Variants in JADE3 observed in about 807,000 individuals in gnomAD.
JADE3 encodes the protein protein Jade-3.
In JADE3, 2 loss-of-function variants were observed where a neutral mutation model predicts 50.1. The observed-to-expected ratio is 0.04, with a 90% CI of 0.02 to 0.13. JADE3 has a LOEUF of 0.13. Ranked by LOEUF, JADE3 falls within the 10% of genes least tolerant of loss-of-function variation. The pLI, the probability that JADE3 is intolerant of heterozygous loss-of-function variation, is 1.00. For missense variants in JADE3, 475 were observed against 634.4 expected (o/e 0.75, Z 2.70); for synonymous variants, 218 against 232.9 (o/e 0.94, Z 0.58).
intron 1 of JADE3, among the ~76,000 whole-genome samples, chrX:46,972,971 A>G (rs1282996512): frequency 5.3e-5 from 6 of 112,451 alleles, no homozygotes; most frequent in Admixed American, 1.9e-4. Context: ...TTCATGCTAC[A>G]ATGGCAGATT....
chrX:47,036,659 C>T (rs1602417606), intron 7 of JADE3, among the ~76,000 whole-genome samples: 1 of 95,057 alleles, frequency 1.1e-5, no homozygotes, highest in East Asian at 3.2e-4. Flanking sequence ...CACATGCACA[C>T]GTATGTTTAT....
intron 3 of JADE3, among the ~76,000 whole-genome samples, chrX:46,996,003 G>A (rs1928119903): frequency 8.9e-6 from 1 of 112,433 alleles, no homozygotes; most frequent in Admixed American, 9.4e-5. Context: ...ATTGGTTGGT[G>A]GTTTCCCAGA....
intron 10 of JADE3, among the ~76,000 whole-genome samples, chrX:47,057,802 C>G (rs1446805901): frequency 8.9e-6 from 1 of 111,926 alleles, no homozygotes; most frequent in Non-Finnish European, 1.9e-5. Flanking sequence ...CCAACACATG[C>G]ATGCACAGAC....
chrX:46,955,688 T>C (rs955972044), intron 1 of JADE3, among the ~76,000 whole-genome samples: 4 of 110,992 alleles, frequency 3.6e-5, no homozygotes, highest in African/African-American at 1.3e-4. Context: ...CAGTCCAAGG[T>C]TGATGGAACG....
At chrX:46,920,025 C>T (rs782092425) in intron 1 of JADE3, among the ~76,000 whole-genome samples, 5 of 110,902 alleles carry the variant, frequency 4.5e-5, no homozygotes, top group Admixed American at 9.7e-5. Context: ...TTTTGGAACA[C>T]GCATGACCAA....
chrX:47,050,066 G>A lies in JADE3; in HGVS notation c.973-4092G>A, dbSNP rs372432510. Among the ~76,000 whole-genome samples the A allele has an allele frequency of 6.6e-4, 72 of 108,447 alleles. No individual in the cohort carries two copies. The South Asian group carries it at 0.026, about 40-fold the overall frequency. The allele number at this position is 108,447 out of a possible 115,157, so 94.2% of individuals were successfully genotyped here. A position where few individuals can be genotyped will look rare whatever the true frequency, so the allele number is the denominator to read the frequency against. ...AGTAATCCTCCCACCTCAGCCTTCC[G>A]AGTACCACAGGCGTGCACCACCACA... On this transcript the variant is annotated intron_variant, in intron 8 of 10. Transcript: ENST00000614628.
At chrX:46,965,638 T>C (rs1022710543) in intron 1 of JADE3, among the ~76,000 whole-genome samples, 5 of 111,239 alleles carry the variant, frequency 4.5e-5, no homozygotes, top group Non-Finnish European at 9.4e-5. Flanking sequence ...CTGAGCCTTA[T>C]AAGAATTAGT....
At chrX:46,991,866 A>G (rs191985723) in intron 3 of JADE3, among the ~76,000 whole-genome samples, 13 of 111,112 alleles carry the variant, frequency 1.2e-4, no homozygotes, top group African/African-American at 4.3e-4. Flanking sequence ...TTAGCGTAGT[A>G]GAGGGTATGG....
chrX:46,975,545 G>A (rs956059365), intron 1 of JADE3, among the ~76,000 whole-genome samples: 1 of 110,090 alleles, frequency 9.1e-6, no homozygotes, highest in African/African-American at 3.3e-5. Flanking sequence ...ATGTTTCCCT[G>A]TATACCATGT....
intron 3 of JADE3, among the ~76,000 whole-genome samples, chrX:46,988,291 C>T (rs1422892022): frequency 1.8e-5 from 2 of 110,650 alleles, no homozygotes; most frequent in Non-Finnish European, 1.9e-5. Context: ...TTGTTCTATT[C>T]CTCCAGTAAC....
intron 8 of JADE3, among the ~76,000 whole-genome samples, chrX:47,042,052 G>A: frequency 9.1e-6 from 1 of 109,544 alleles, no homozygotes; most frequent in South Asian, 4.0e-4. Flanking sequence ...GGAGTGCAGT[G>A]GTGAGATCAT....
chrX:46,993,149 T>C (rs1207009827), intron 3 of JADE3, among the ~76,000 whole-genome samples: 1 of 112,117 alleles, frequency 8.9e-6, no homozygotes, highest in Non-Finnish European at 1.9e-5. Flanking sequence ...TATTTTTGAC[T>C]ACTAGTCTGG....
intron 1 of JADE3, among the ~76,000 whole-genome samples, chrX:46,945,872 C>T (rs782243949): frequency 1.8e-5 from 2 of 111,491 alleles, no homozygotes; most frequent in African/African-American, 3.3e-5. Flanking sequence ...CTCAATAATA[C>T]AAATTTCTGG....
At chrX:46,928,773 T>C (rs188547855) in intron 1 of JADE3, among the ~76,000 whole-genome samples, 36 of 110,286 alleles carry the variant, frequency 3.3e-4, no homozygotes, top group South Asian at 7.8e-4. Flanking sequence ...TTTTGTTTTG[T>C]TTTGTTTTGT....
chrX:46,965,018 A>G (rs1158766486), intron 1 of JADE3, among the ~76,000 whole-genome samples: 1 of 111,900 alleles, frequency 8.9e-6, no homozygotes, highest in Non-Finnish European at 1.9e-5. Context: ...TCCTTTCTTT[A>G]AAAGTGATAA....
At chrX:46,936,993 C>T (rs1556341197) in intron 1 of JADE3, among the ~76,000 whole-genome samples, 3 of 111,202 alleles carry the variant, frequency 2.7e-5, no homozygotes, top group Non-Finnish European at 3.8e-5. Flanking sequence ...ATTTATTTTG[C>T]TCTTCTTTTC....
At chrX:46,917,857 T>C (rs1285901275) in intron 1 of JADE3, among the ~76,000 whole-genome samples, 61 of 10,044 alleles carry the variant, frequency 6.1e-3, no homozygotes, top group Admixed American at 9.7e-3. Flanking sequence ...CTCTCTCTCA[T>C]CCTCTCTCTC....
chrX:47,037,121 G>A (rs868989595), intron 7 of JADE3, among the ~76,000 whole-genome samples: 28 of 99,343 alleles, frequency 2.8e-4, no homozygotes, highest in Admixed American at 9.7e-4. Flanking sequence ...AAAAAAAAAA[G>A]GAAAAAAAAA....
intron 1 of JADE3, among the ~76,000 whole-genome samples, chrX:46,939,136 T>A (rs1185889701): frequency 8.9e-6 from 1 of 112,306 alleles, no homozygotes; most frequent in Non-Finnish European, 1.9e-5. Flanking sequence ...CTGGCCTCCA[T>A]GGTTTCTGAT....
Sources: allele counts gnomAD v4.1 joint callset (sites outside exome capture counted in the v4.1 genomes callset), GRCh38; gene constraint gnomAD v4.1.1; transcripts MANE v1.5; gene names NCBI Gene and HGNC (gene_info 2026-07-23, HGNC 2026-07-21).